Variants in JAK1 observed in about 807,000 individuals in gnomAD.
The protein encoded by JAK1 is tyrosine-protein kinase JAK1.
Under a neutral mutation model 136.6 loss-of-function variants are expected in JAK1, and 16 were observed. That is an observed-to-expected ratio of 0.12 (90% CI 0.08 to 0.18). The LOEUF (loss-of-function observed/expected upper bound fraction) is 0.18, where lower values mean the gene tolerates loss of function less well. JAK1 is among the 10% of genes least tolerant of loss of function. The pLI, the probability that JAK1 is intolerant of heterozygous loss-of-function variation, is 1.00. For synonymous variants in JAK1, 492 were observed against 519.5 expected, an observed-to-expected ratio of 0.95 and a Z score of 0.72; for missense variants, 859 against 1,450.1, an observed-to-expected ratio of 0.59 and a Z score of 6.62.
chr1:65,056,050 G>C (rs1445080432), intron 1 of JAK1, among the ~76,000 whole-genome samples: 1 of 152,184 alleles, frequency 6.6e-6, no homozygotes. Context: ...TTTTCCACCT[G>C]CTCAAACACT....
Position 64,855,711 on chromosome 1 carries a change from T to C in JAK1, c.1459-13A>G. On this transcript the variant is annotated splice_polypyrimidine_tract_variant and intron_variant, in intron 10 of 24. Transcript: ENST00000342505. ...CACCCTGCACCTGCTATTCGGGAAA[T>C]GACCAGAAATTACATGTTTAAAATG... 2 of 1,607,066 alleles carry C rather than the reference T, an allele frequency of 1.2e-6. No individual in the cohort carries two copies. Among genetic ancestry groups the C allele is most frequent in the Non-Finnish European group, 1.7e-6 (2 of 1,174,480 alleles).
At chr1:65,031,631 A>T (rs12403317) in intron 2 of JAK1, among the ~76,000 whole-genome samples, 13,220 of 152,258 alleles carry the variant, frequency 0.087, 739 homozygotes, top group Admixed American at 0.17. Context: ...TATTGTATCA[A>T]AGTTAAATTT....
intron 2 of JAK1, among the ~76,000 whole-genome samples, chr1:65,009,133 T>C (rs370319003): frequency 2.6e-4 from 39 of 152,302 alleles, no homozygotes; most frequent in Admixed American, 1.8e-3. Flanking sequence ...GGTTAAAGCA[T>C]CTATGGTATA....
intron 2 of JAK1, among the ~76,000 whole-genome samples, chr1:64,988,795 G>T (rs1264777876): frequency 6.6e-6 from 1 of 151,828 alleles, no homozygotes. Context: ...AGGCTGAAGT[G>T]GGAGGATCAT....
At chr1:64,868,464 C>G (rs1253769600) in intron 6 of JAK1, among the ~76,000 whole-genome samples, 1 of 152,142 alleles carries the variant, frequency 6.6e-6, no homozygotes, top group Non-Finnish European at 1.5e-5. Flanking sequence ...GAAGAACTGT[C>G]ATTTTTCAAT....
chr1:64,912,709 C>A (rs78914748), intron 1 of JAK1, among the ~76,000 whole-genome samples: 1 of 152,094 alleles, frequency 6.6e-6, no homozygotes, highest in Non-Finnish European at 1.5e-5. Flanking sequence ...TGCTGGGAAG[C>A]GGCAGAACAA....
At chr1:64,917,004 T>C (rs1255894661) in intron 1 of JAK1, among the ~76,000 whole-genome samples, 1 of 151,736 alleles carries the variant, frequency 6.6e-6, no homozygotes, top group Non-Finnish European at 1.5e-5. Context: ...GCAAAACCAT[T>C]TGAGAAAGAT....
chr1:64,883,980 C>T (rs979192417), intron 2 of JAK1, among the ~76,000 whole-genome samples: 2 of 152,194 alleles, frequency 1.3e-5, no homozygotes, highest in African/African-American at 4.8e-5. Flanking sequence ...GGGCATGAAC[C>T]GTATCTTATC....
chr1:65,014,480 A>G (rs1158487290), intron 2 of JAK1, among the ~76,000 whole-genome samples: 1 of 152,026 alleles, frequency 6.6e-6, no homozygotes, highest in Admixed American at 6.6e-5. Flanking sequence ...AAAAAGAAAG[A>G]AAAATTCTCA....
At chr1:64,897,463 G>A (rs1179712739) in intron 1 of JAK1, among the ~76,000 whole-genome samples, 3 of 50,828 alleles carry the variant, frequency 5.9e-5, no homozygotes, top group East Asian at 7.2e-4. Flanking sequence ...GCAGGAGGAC[G>A]AGGGAGGAGG....
intron 1 of JAK1, among the ~76,000 whole-genome samples, chr1:64,918,242 A>C (rs1645433538): frequency 6.6e-6 from 1 of 152,226 alleles, no homozygotes; most frequent in South Asian, 2.1e-4. Context: ...CTAACTATAC[A>C]CATACTGTTT....
chr1:64,973,577 G>A (rs536159507), intron 2 of JAK1: 2 of 128,208 alleles, frequency 1.6e-5, no homozygotes, highest in South Asian at 5.3e-4. Flanking sequence ...ATAGTATTAA[G>A]TAAATGTTCA....
At chr1:64,970,784 C>T (rs1229145864), upstream of JAK1, among the ~76,000 whole-genome samples, 1 of 150,620 alleles carries the variant, frequency 6.6e-6, no homozygotes, top group East Asian at 1.9e-4. Context: ...AAATGCCACT[C>T]AGTAGAATAT....
intron 1 of JAK1, among the ~76,000 whole-genome samples, chr1:64,900,515 A>G (rs2101462124): frequency 6.6e-6 from 1 of 152,290 alleles, no homozygotes; most frequent in East Asian, 1.9e-4. Flanking sequence ...TGAGACAGCG[A>G]AGTGGACAGA....
At chr1:64,965,882 G>A (rs910339333) in intron 1 of JAK1, among the ~76,000 whole-genome samples, 2 of 152,120 alleles carry the variant, frequency 1.3e-5, no homozygotes, top group Admixed American at 6.5e-5. Flanking sequence ...TCCTTCCTGG[G>A]GCCGAAGAAG....
chr1:64,904,162 T>G (rs1343212039), intron 1 of JAK1, among the ~76,000 whole-genome samples: 1 of 152,264 alleles, frequency 6.6e-6, no homozygotes, highest in Non-Finnish European at 1.5e-5. Flanking sequence ...TTTTAAATAT[T>G]GATTTAACGA....
intron 1 of JAK1, among the ~76,000 whole-genome samples, chr1:64,943,220 T>C (rs1645921690): frequency 6.6e-6 from 1 of 152,170 alleles, no homozygotes; most frequent in African/African-American, 2.4e-5. Flanking sequence ...ACTTCCCATA[T>C]AATGGTTCAG....
At chr1:65,041,699 T>G (rs1647135045) in intron 2 of JAK1, among the ~76,000 whole-genome samples, 1 of 152,244 alleles carries the variant, frequency 6.6e-6, no homozygotes, top group East Asian at 1.9e-4. Context: ...ATACTATATA[T>G]ACATACAGTT....
In JAK1 at chr1:64,866,985, A is replaced by G. The variant is rs776377285; in HGVS notation, c.871T>C (p.Leu291=). Residue 291 remains leucine (L), a synonymous_variant, in exon 7 of 25, where the codon TTA becomes CTA. Coordinates refer to ENST00000342505, the MANE Select transcript of JAK1 (RefSeq NM_002227.4). The part of the protein sequence containing the change: ...YGAEIFETSM[L]LISSENEMNW... Reference sequence around the variant, plus strand: ...ATCTCATTTTCTGATGAAATCAGTAACATGGAAGTCTCAAATATTTCAGCA... The same window carrying G: ...ATCTCATTTTCTGATGAAATCAGTAGCATGGAAGTCTCAAATATTTCAGCA... The G allele has an allele frequency of 1.1e-5, 17 of 1,614,110 alleles. No homozygotes were observed. The highest frequency in any genetic ancestry group is 1.3e-5 in the African/African-American group (1 of 74,942).
Sources: allele counts gnomAD v4.1 joint callset (sites outside exome capture counted in the v4.1 genomes callset), GRCh38; gene constraint gnomAD v4.1.1; transcripts MANE v1.5; gene names NCBI Gene and HGNC (gene_info 2026-07-23, HGNC 2026-07-21).